The following SCAF8 variants were observed in gnomAD, a reference collection of about 807,000 sequenced individuals.
SCAF8 encodes SR-related CTD associated factor 8.
In SCAF8, 23 loss-of-function variants were observed where a neutral mutation model predicts 140.5. The ratio of observed to expected loss-of-function variants is 0.16; its 90% confidence interval spans 0.12 to 0.23. The LOEUF (loss-of-function observed/expected upper bound fraction) is 0.23, where lower values mean the gene tolerates loss of function less well. SCAF8 is among the 10% of genes least tolerant of loss of function. SCAF8 has a pLI of 1.00. For synonymous variants in SCAF8, 575 were observed against 528.9 expected (o/e 1.09, Z -1.20); for missense variants, 1,397 against 1,555.7 (o/e 0.90, Z 1.72).
At position 154,833,547 on chromosome 6, in the gene SCAF8, A is replaced by C; in HGVS notation, c.*152A>C. 1 of 720,390 alleles carries C rather than the reference A, an allele frequency of 1.4e-6. No individual in the cohort carries two copies. The highest frequency in any genetic ancestry group is 2.2e-6 in the Non-Finnish European group (1 of 445,416). The allele number at this position is 720,390 out of a possible 1,614,324, so 44.6% of individuals were successfully genotyped here. On this transcript the variant is annotated 3_prime_UTR_variant, in exon 20 of 20. Transcript: ENST00000367178. ...ACCTTTCTCTTAAAATAATTGTACAACTGACTTGTATAGACATTGTTCTTA... is the reference window on the plus strand; with the variant it reads ...ACCTTTCTCTTAAAATAATTGTACACCTGACTTGTATAGACATTGTTCTTA...
intron 18 of SCAF8, among the ~76,000 whole-genome samples, chr6:154,827,822 T>G (rs1778607357): frequency 8.4e-6 from 1 of 118,424 alleles, no homozygotes; most frequent in African/African-American, 2.9e-5. Context: ...CCACACCTTT[T>G]TTGGGGCGGG....
intron 9 of SCAF8, among the ~76,000 whole-genome samples, chr6:154,807,493 C>T (rs948195304): frequency 9.2e-5 from 14 of 152,222 alleles, no homozygotes; most frequent in African/African-American, 1.4e-4. Context: ...CAGTTCTCTG[C>T]CTCAGCCTCC....
chr6:154,826,986 T>C (rs1778585387), intron 17 of SCAF8, among the ~76,000 whole-genome samples, 186 bp from the exon 18 acceptor site: 1 of 152,204 alleles, frequency 6.6e-6, no homozygotes, highest in Non-Finnish European at 1.5e-5. Flanking sequence ...TTGCTTTACC[T>C]AGCTTATTAG....
chr6:154,820,416 T>G, intron 15 of SCAF8, 83 bp downstream of exon 15: 1 of 1,115,304 alleles, frequency 9.0e-7, no homozygotes, highest in Non-Finnish European at 1.3e-6. Context: ...ATGACAGCGT[T>G]AACTGTGTAT....
At chr6:154,759,739 C>T (rs899044993) in intron 1 of SCAF8, among the ~76,000 whole-genome samples, 6 of 147,858 alleles carry the variant, frequency 4.1e-5, no homozygotes, top group Admixed American at 3.4e-4. Flanking sequence ...GATCTTGGCT[C>T]ACTGCAGGCT....
chr6:154,819,771 T>C (rs1228453584), intron 14 of SCAF8, among the ~76,000 whole-genome samples: 1 of 152,174 alleles, frequency 6.6e-6, no homozygotes, highest in East Asian at 1.9e-4. Context: ...ACAAAACTGG[T>C]GAGGCACAGT....
intron 1 of SCAF8, among the ~76,000 whole-genome samples, chr6:154,748,272 T>C (rs1042666803): frequency 6.6e-6 from 1 of 152,178 alleles, no homozygotes; most frequent in African/African-American, 2.4e-5. Flanking sequence ...TTTTAAAAAA[T>C]ATTATTCACA....
chr6:154,808,570 C>T (rs986046266), intron 10 of SCAF8, 116 bp from the exon 11 acceptor site: 3 of 686,306 alleles, frequency 4.4e-6, no homozygotes, highest in East Asian at 2.7e-5. Context: ...AGATTGGACA[C>T]CCCTGTATTA....
At position 154,761,312 on chromosome 6, in the gene SCAF8, C is replaced by A. The variant is rs998228050; in HGVS notation, c.31-12677C>A. 5.3e-4 allele frequency among the ~76,000 whole-genome samples: 81 copies of A among 152,124 alleles called. 1 individual carries two copies. The highest frequency in any genetic ancestry group is 1.9e-3 in the African/African-American group (79 of 41,496). On this transcript the variant is annotated intron_variant, in intron 1 of 19. Transcript: ENST00000367178. ...GACCGCCTGGGCAACATGGTGAAAC[C>A]CCATCTCTACTAGAAATACAAAAAT...
intron 1 of SCAF8, among the ~76,000 whole-genome samples, chr6:154,767,234 T>G (rs563464748): frequency 1.3e-5 from 2 of 152,154 alleles, no homozygotes; most frequent in Non-Finnish European, 2.9e-5. Context: ...CTATCAAGGC[T>G]CAGGTTAGCA....
intron 12 of SCAF8, among the ~76,000 whole-genome samples, chr6:154,811,829 G>C (rs1224739281): frequency 3.3e-5 from 5 of 152,086 alleles, no homozygotes; most frequent in Non-Finnish European, 7.4e-5. Context: ...GAGAATGGTA[G>C]TTTCCAGCTT....
chr6:154,794,917 T>C, intron 5 of SCAF8, 92 bp from the exon 6 acceptor site: 1 of 1,242,344 alleles, frequency 8.0e-7, no homozygotes, highest in Non-Finnish European at 1.1e-6. Flanking sequence ...GCATGTGTTT[T>C]ATAAAAGTAA....
Position 154,822,439 on chromosome 6 carries a change from T to A in SCAF8, c.1926+30T>A, listed in dbSNP as rs200523781. The A allele has an allele frequency of 6.6e-5, 104 of 1,566,444 alleles. 3 individuals are homozygous for A. The East Asian group carries it at 9.2e-4, about 14-fold the overall frequency. ...GTGTTGAAGTGGGGTTTTTTTTTTC[T>A]TGTGTTGTTTTACATTTCTGTTTTT... On this transcript the variant is annotated intron_variant, in intron 16 of 19. Coordinates refer to ENST00000367178, the MANE Select transcript of SCAF8 (RefSeq NM_014892.5).
intron 3 of SCAF8, among the ~76,000 whole-genome samples, chr6:154,779,758 G>GTT (rs1554260164): frequency 2.2e-4 from 33 of 147,504 alleles, no homozygotes; most frequent in African/African-American, 7.5e-4. Flanking sequence ...GTTAAAATAA[G>GTT]GTGTGTGTGT....
At position 154,802,057 on chromosome 6, in the gene SCAF8, T is replaced by G; in HGVS notation, c.693T>G (p.Val231=). The G allele has an allele frequency of 6.2e-7, 1 of 1,613,612 alleles. No individual in the cohort carries two copies. The highest frequency in any genetic ancestry group is 1.1e-5 in the South Asian group (1 of 91,020). ...AGGCCCTAGATGCTGGTCTTGTTGTTCAGTTGCAAGCTCTTACGGCACAAC... is the reference window on the plus strand; with the variant it reads ...AGGCCCTAGATGCTGGTCTTGTTGTGCAGTTGCAAGCTCTTACGGCACAAC... ...ILQALDAGLV[V]QLQALTAQLT... is the part of the protein sequence containing the mutation. Residue 231 remains valine, a synonymous_variant, in exon 7 of 20, where the codon GTT becomes GTG. Coordinates refer to ENST00000367178, the MANE Select transcript of SCAF8 (RefSeq NM_014892.5).
intron 1 of SCAF8, among the ~76,000 whole-genome samples, chr6:154,760,426 A>G (rs2114823035): frequency 6.6e-6 from 1 of 152,152 alleles, no homozygotes; most frequent in East Asian, 1.9e-4. Context: ...CATATTTCAG[A>G]CTTACAATTT....
intron 18 of SCAF8, among the ~76,000 whole-genome samples, chr6:154,827,509 T>G (rs1323480776): frequency 6.6e-6 from 1 of 152,190 alleles, no homozygotes; most frequent in Non-Finnish European, 1.5e-5. Flanking sequence ...CTATGTGTAT[T>G]AAATGTCTTA....
At chr6:154,811,176 T>A (rs1583057057) in intron 12 of SCAF8, among the ~76,000 whole-genome samples, 2 of 152,134 alleles carry the variant, frequency 1.3e-5, no homozygotes, top group East Asian at 3.9e-4. Context: ...TCCCTTAGGG[T>A]GATGGTATAC....
In SCAF8 at chr6:154,824,219, G is replaced by A; in HGVS notation, c.1927-15G>A. On this transcript the variant is annotated splice_polypyrimidine_tract_variant and intron_variant, in intron 16 of 19. Transcript: ENST00000367178. ...AATAAACTGATGAGTGAACTTTTTTGTCTATCCACAAAAGATTCCAGTGGC... is the reference window on the plus strand; with the variant it reads ...AATAAACTGATGAGTGAACTTTTTTATCTATCCACAAAAGATTCCAGTGGC... The A allele has an allele frequency of 6.2e-7, 1 of 1,607,634 alleles. No individual in the cohort carries two copies. Among genetic ancestry groups the A allele is most frequent in the Non-Finnish European group, 8.5e-7 (1 of 1,177,850 alleles).
Sources: allele counts gnomAD v4.1 joint callset (sites outside exome capture counted in the v4.1 genomes callset), GRCh38; gene constraint gnomAD v4.1.1; transcripts MANE v1.5; gene names NCBI Gene and HGNC (gene_info 2026-07-23, HGNC 2026-07-21).